The following CEP72 variants were observed in gnomAD, a reference collection of about 807,000 sequenced individuals.
The protein encoded by CEP72 is centrosomal protein of 72 kDa.
CEP72 carries 78 observed loss-of-function variants against 65.7 expected under a neutral mutation model. The ratio of observed to expected loss-of-function variants is 1.19; its 90% CI spans 0.99 to 1.43. The LOEUF (loss-of-function observed/expected upper bound fraction) is 1.43. Ranked by LOEUF, CEP72 falls within the 40% of genes most tolerant of loss-of-function variation. The pLI, the probability that CEP72 is intolerant of heterozygous loss-of-function variation, is 0.00. For missense variants in CEP72, 914 were observed against 832.9 expected (o/e 1.10, Z -1.20); for synonymous variants, 358 against 351.7 (o/e 1.02, Z -0.20).
At chr5:618,596 A>T (rs903130413) in intron 1 of CEP72, among the ~76,000 whole-genome samples, 7 of 152,118 alleles carry the variant, frequency 4.6e-5, no homozygotes, top group African/African-American at 1.7e-4. Flanking sequence ...CTCCAAGTAC[A>T]GCAGGGGCCG....
At chr5:636,850 C>T (rs140094655) in intron 6 of CEP72, among the ~76,000 whole-genome samples, 84 of 151,768 alleles carry the variant, frequency 5.5e-4, no homozygotes, top group African/African-American at 2.0e-3. Context: ...CCTTGTCTCG[C>T]GTGACCCTGG....
chr5:666,425 C>T (rs970994954), intron 4 of CEP72, among the ~76,000 whole-genome samples: 6 of 152,236 alleles, frequency 3.9e-5, no homozygotes, highest in Non-Finnish European at 7.3e-5. Flanking sequence ...CCACCTCCTC[C>T]TCCCGGGGCC....
chr5:633,823 C>T lies in CEP72; in HGVS notation c.567C>T (p.Val189=). Residue 189 remains valine (V), a synonymous_variant, in exon 5 of 12, where the codon GTC becomes GTT. Coordinates refer to ENST00000264935, the MANE Select transcript of CEP72 (RefSeq NM_018140.4). The part of the protein sequence containing the change: ...CTEALAKQSL[V]MDADDEAVLN... ...AGGCCTTGGCCAAGCAGAGCCTGGT[C>T]ATGGATGCGGATGACGAGGCAGTCC... The T allele has an allele frequency of 1.2e-6, 2 of 1,614,100 alleles. No homozygotes were observed. Among genetic ancestry groups the T allele is most frequent in the Non-Finnish European group, 1.7e-6 (2 of 1,180,050 alleles).
chr5:636,971 G>C (rs1362939265), intron 6 of CEP72, among the ~76,000 whole-genome samples: 1 of 152,150 alleles, frequency 6.6e-6, no homozygotes, highest in Non-Finnish European at 1.5e-5. Context: ...AGCAGGCTGT[G>C]GTGGAGGCCA....
intron 4 of CEP72, among the ~76,000 whole-genome samples, 183 bp from the exon 5 acceptor site, chr5:633,586 G>A (rs1272860293): frequency 1.3e-5 from 2 of 152,216 alleles, no homozygotes; most frequent in Non-Finnish European, 2.9e-5. Context: ...GTTGCTCACC[G>A]ATTGTCCTTG....
chr5:645,286 C>T lies in CEP72; in HGVS notation c.1666+861C>T, dbSNP rs934616655. On this transcript the variant is annotated intron_variant, in intron 10 of 11. Transcript: ENST00000264935. This position sits in a 1 kb window ranked among gnomAD's most constrained non-coding sequence, Gnocchi z 4.0. ...TGGGGCAGCGTCTCCTTGGATCTTT[C>T]GCCCGTTGGTTTTTATTGGGTTGTT... 5.3e-5 allele frequency among the ~76,000 whole-genome samples: 8 copies of T among 152,180 alleles called. No individual in the cohort carries two copies. Among genetic ancestry groups the T allele is most frequent in the African/African-American group, 9.6e-5 (4 of 41,526 alleles).
At chr5:651,811 C>T (rs966222424) in intron 11 of CEP72, among the ~76,000 whole-genome samples, 2 of 151,780 alleles carry the variant, frequency 1.3e-5, no homozygotes, top group Admixed American at 6.6e-5. Context: ...TGGTCAGTTC[C>T]TCCCCCTCCC....
intron 4 of CEP72, among the ~76,000 whole-genome samples, chr5:631,559 G>A (rs1480489966): frequency 3.4e-5 from 1 of 29,590 alleles, no homozygotes; most frequent in African/African-American, 3.8e-4. Flanking sequence ...GTCCAGTGCC[G>A]GGATTTGGAC....
At chr5:670,780 C>T (rs1047335298), downstream of CEP72, among the ~76,000 whole-genome samples, 5 of 152,190 alleles carry the variant, frequency 3.3e-5, no homozygotes, top group Non-Finnish European at 7.4e-5. Flanking sequence ...CCTAGAGCAA[C>T]GTTTCCCGGG....
chr5:659,194 T>A (rs1431531117), downstream of CEP72, among the ~76,000 whole-genome samples: 2 of 152,280 alleles, frequency 1.3e-5, no homozygotes, highest in African/African-American at 2.4e-5. Context: ...TGGGGTTGGT[T>A]CCTGGAGCGC....
chr5:628,640 G>C (rs879686562), intron 4 of CEP72, among the ~76,000 whole-genome samples: 12 of 110,842 alleles, frequency 1.1e-4, no homozygotes, highest in Admixed American at 3.9e-4. Context: ...AGTGGCCCCA[G>C]GACCCAGCCC....
chr5:662,632 A>C (rs1739681540), intron 1 of CEP72: 1 of 152,552 alleles, frequency 6.6e-6, no homozygotes, highest in Admixed American at 6.5e-5. Context: ...CACGGACAGA[A>C]AGGAGAAACG....
At chr5:661,824 G>A (rs1224331284), downstream of CEP72, 1 of 152,384 alleles carries the variant, frequency 6.6e-6, no homozygotes, top group Non-Finnish European at 1.5e-5. Context: ...CCGAGTGGGT[G>A]TTTTCAAAGA....
chr5:645,958 T>C lies in CEP72; in HGVS notation c.1666+1533T>C, dbSNP rs1738390920. On this transcript the variant is annotated intron_variant, in intron 10 of 11. Transcript: ENST00000264935. This position sits in a 1 kb window ranked among gnomAD's most constrained non-coding sequence, Gnocchi z 4.0. ...TGTGTGAGCGTCACTCCTGCTCCCG[T>C]TGGCGCCCTGTGTGGATGGTGAATT... Among the ~76,000 whole-genome samples, 1 of 151,900 alleles carries C rather than the reference T, an allele frequency of 6.6e-6. No individual in the cohort carries two copies. The highest frequency in any genetic ancestry group is 2.1e-4 in the South Asian group (1 of 4,816).
chr5:652,440 C>T (rs1230197998), intron 11 of CEP72, among the ~76,000 whole-genome samples: 1 of 152,192 alleles, frequency 6.6e-6, no homozygotes, highest in Non-Finnish European at 1.5e-5. Context: ...CTCAGGTCAT[C>T]GCTGACTGGG....
intron 9 of CEP72, chr5:643,677 G>A (rs1388174244): frequency 8.1e-6 from 8 of 985,030 alleles, no homozygotes; most frequent in Non-Finnish European, 8.4e-6. Context: ...CAGGTGAGAC[G>A]GGATCCCTGG....
At chr5:616,968 G>T (rs1736037366) in intron 1 of CEP72, among the ~76,000 whole-genome samples, 2 of 151,988 alleles carry the variant, frequency 1.3e-5, no homozygotes, top group Admixed American at 6.6e-5. Flanking sequence ...GTGGGGGTTT[G>T]CTTGCAGGAG....
rs1363619772 is a variant in CEP72, at chr5:640,429, C to T, written c.1364C>T (p.Ser455Leu). Residue 455 changes from serine to leucine, a missense_variant, in exon 9 of 12, where the codon TCA (serine) becomes TTA (leucine). Transcript: ENST00000264935. The stretch of plus-strand genomic sequence containing the variant: ...CTAGCTCAGGCAAGACACATCTTGT[C>T]ATCTGTTGAAGAATTCACAGCAGCT... ...AFLAQARHILSSVEEFTAAQD... is the reference protein window; with the variant it reads ...AFLAQARHILLSVEEFTAAQD... The T allele has an allele frequency of 6.2e-7, 1 of 1,613,944 alleles. No homozygotes were observed. The highest frequency in any genetic ancestry group is 1.7e-5 in the Admixed American group (1 of 60,006).
chr5:633,074 T>G (rs530179613), intron 4 of CEP72, among the ~76,000 whole-genome samples: 1 of 63,804 alleles, frequency 1.6e-5, no homozygotes, highest in East Asian at 3.6e-4. Flanking sequence ...TTCTGTCCAG[T>G]GCCGGGATTT....
Sources: gnomAD v4.1 joint callset for allele counts (sites outside exome capture counted in the v4.1 genomes callset) on GRCh38, gnomAD v4.1.1 for gene constraint, Gnocchi (gnomAD v3.1) non-coding constraint, MANE v1.5 for transcripts, NCBI Gene and HGNC (gene_info 2026-07-23, HGNC 2026-07-21) for gene names.